The following ARHGEF38 variants were observed in gnomAD, a reference collection of about 807,000 sequenced individuals.
ARHGEF38 encodes the protein Rho guanine nucleotide exchange factor 38.
ARHGEF38 carries 79 observed loss-of-function variants against 79.9 expected under a neutral mutation model. That is an observed-to-expected ratio of 0.99 (90% CI 0.82 to 1.19). ARHGEF38 has a LOEUF of 1.19. ARHGEF38 is among the 50% of genes most tolerant of loss of function. The pLI is 0.00. For missense variants in ARHGEF38, 962 were observed against 907.2 expected, an observed-to-expected ratio of 1.06 and a Z score of -0.78; for synonymous variants, 366 against 328.3, an observed-to-expected ratio of 1.11 and a Z score of -1.24.
intron 2 of ARHGEF38, among the ~76,000 whole-genome samples, chr4:105,594,912 T>G (rs1727510973): frequency 3.3e-5 from 5 of 152,174 alleles, no homozygotes; most frequent in Admixed American, 3.3e-4. Flanking sequence ...GAAAACAGGT[T>G]CTAGTTATTT....
chr4:105,596,892 G>T (rs1727605779), intron 2 of ARHGEF38, among the ~76,000 whole-genome samples: 1 of 152,168 alleles, frequency 6.6e-6, no homozygotes, highest in Non-Finnish European at 1.5e-5. Context: ...AGCACTCCCA[G>T]AAATTATACA....
chr4:105,623,179 A>G (rs1265796298), intron 3 of ARHGEF38, among the ~76,000 whole-genome samples: 2 of 152,228 alleles, frequency 1.3e-5, no homozygotes, highest in Non-Finnish European at 2.9e-5. Context: ...ACCAGCACCC[A>G]GAACAGTGTC....
rs1371956015 is a variant in ARHGEF38 at position 105,654,185 on chromosome 4, C to G, written c.1113+16C>G. The G allele has an allele frequency of 2.2e-6, 3 of 1,386,340 alleles. No homozygotes were observed. Among genetic ancestry groups the G allele is most frequent in the African/African-American group, 1.4e-5 (1 of 70,010 alleles). 85.9% of individuals were successfully genotyped at this position (1,386,340 alleles called of 1,614,324 possible). ...ACACATACAGGTAGGTGAGACACAA[C>G]TGTTTTCAGTGTTCTACAGGAACAT... is the stretch of plus-strand genomic sequence containing the variant. On this transcript the variant is annotated intron_variant, in intron 8 of 13. Transcript: ENST00000420470.
chr4:105,643,935 C>T (rs1578340937), intron 5 of ARHGEF38, among the ~76,000 whole-genome samples: 3 of 141,156 alleles, frequency 2.1e-5, no homozygotes, highest in South Asian at 4.4e-4. Flanking sequence ...TGGAGTGCAG[C>T]GGCTCACTGC....
chr4:105,676,782 TAAAG>T (rs1352150946), intron 13 of ARHGEF38, among the ~76,000 whole-genome samples: 2 of 152,008 alleles, frequency 1.3e-5, no homozygotes, highest in Non-Finnish European at 2.9e-5. Context: ...GTTTGGGAAA[TAAAG>T]AAGGGAACAA....
chr4:105,673,419 T>C (rs1731019184), intron 13 of ARHGEF38, among the ~76,000 whole-genome samples: 1 of 152,138 alleles, frequency 6.6e-6, no homozygotes, highest in Non-Finnish European at 1.5e-5. Context: ...ATATTGAAAA[T>C]ATAATTTTTG....
Position 105,680,345 on chromosome 4 carries a change from G to T in ARHGEF38, c.*2408G>T. The T allele has an allele frequency of 7.6e-6, 2 of 262,280 alleles. No individual in the cohort carries two copies. The highest frequency in any genetic ancestry group is 1.5e-5 in the Non-Finnish European group (2 of 133,906). 16.2% of individuals were successfully genotyped at this position (262,280 alleles called of 1,614,324 possible). On this transcript the variant is annotated 3_prime_UTR_variant, in exon 14 of 14. Transcript: ENST00000420470. ...TAAAAGCTTACTTGTTAGCACACTT[G>T]CTTATCTGTCCATTCATTCATTGAA...
chr4:105,626,650 T>C (rs1459044469), intron 3 of ARHGEF38, among the ~76,000 whole-genome samples: 2 of 152,140 alleles, frequency 1.3e-5, no homozygotes, highest in East Asian at 3.8e-4. Flanking sequence ...AGTTTGTTTA[T>C]CTTCTTCAAT....
intron 2 of ARHGEF38, among the ~76,000 whole-genome samples, chr4:105,591,902 T>C (rs971115713): frequency 2.0e-5 from 3 of 152,218 alleles, no homozygotes; most frequent in African/African-American, 7.2e-5. Flanking sequence ...TTGCTACGTA[T>C]ATAAATGTTT....
At position 105,667,704 on chromosome 4, in the gene ARHGEF38, G is replaced by A; in HGVS notation, c.2148+1G>A. ...CAGTTTTCAAGAAGTAGACGAACAG[G>A]TAAAAATTTGATGTAAAAATATGTG... is the stretch of plus-strand genomic sequence containing the variant. On this transcript the variant is annotated splice_donor_variant, in intron 13 of 13. Coordinates refer to ENST00000420470, the MANE Select transcript of ARHGEF38 (RefSeq NM_001242729.2). LOFTEE classifies it high-confidence loss of function. The A allele has an allele frequency of 2.6e-6, 4 of 1,535,956 alleles. No individual in the cohort carries two copies. Among genetic ancestry groups the A allele is most frequent in the Non-Finnish European group, 8.7e-7 (1 of 1,146,844 alleles).
At chr4:105,663,499 A>G (rs1448366596) in intron 10 of ARHGEF38, among the ~76,000 whole-genome samples, 7 of 151,850 alleles carry the variant, frequency 4.6e-5, no homozygotes, top group African/African-American at 1.7e-4. Context: ...CCATCATTCT[A>G]TTTTCTGTTT....
Position 105,592,724 on chromosome 4 carries a change from T to C in ARHGEF38, c.384+3289T>C, listed in dbSNP as rs546851751. Among the ~76,000 whole-genome samples, 3 of 152,290 alleles carry C rather than the reference T, an allele frequency of 2.0e-5. No individual in the cohort carries two copies. In the East Asian group the frequency reaches 5.8e-4, roughly 29 times the overall value. On this transcript the variant is annotated intron_variant, in intron 2 of 13. Transcript: ENST00000420470. Reference sequence around the variant, plus strand: ...TCTCTCACATTCTTTTCCTCACATGTCAAACACCCCTTTTTCTTCTCTCAG... The same window carrying C: ...TCTCTCACATTCTTTTCCTCACATGCCAAACACCCCTTTTTCTTCTCTCAG...
intron 5 of ARHGEF38, among the ~76,000 whole-genome samples, chr4:105,637,106 C>T (rs1729428243): frequency 6.6e-6 from 1 of 151,470 alleles, no homozygotes; most frequent in African/African-American, 2.4e-5. Context: ...TGATGAGCAA[C>T]TCTTTAAGGT....
At chr4:105,575,895 TTAAA>T (rs1299630536) in intron 1 of ARHGEF38, among the ~76,000 whole-genome samples, 2 of 152,184 alleles carry the variant, frequency 1.3e-5, no homozygotes, top group African/African-American at 4.8e-5. Context: ...GCACCATTTA[TTAAA>T]TAGAGTTTCC....
At chr4:105,614,344 T>C (rs901835890) in intron 3 of ARHGEF38, among the ~76,000 whole-genome samples, 7 of 152,186 alleles carry the variant, frequency 4.6e-5, no homozygotes, top group Non-Finnish European at 1.0e-4. Context: ...TCCTTTCATA[T>C]ATCCCTCCAA....
chr4:105,595,152 A>C (rs1257669342), intron 2 of ARHGEF38, among the ~76,000 whole-genome samples: 1 of 152,158 alleles, frequency 6.6e-6, no homozygotes, highest in Non-Finnish European at 1.5e-5. Context: ...GGGGCTATAG[A>C]ATTCCTCAGC....
chr4:105,634,309 CA>C (rs1729314873), intron 4 of ARHGEF38, among the ~76,000 whole-genome samples: 1 of 152,066 alleles, frequency 6.6e-6, no homozygotes, highest in Non-Finnish European at 1.5e-5. Flanking sequence ...TGGAGACCTT[CA>C]AAAAGAAAAG....
chr4:105,677,309 A>G (rs2110590528), intron 13 of ARHGEF38, among the ~76,000 whole-genome samples: 1 of 152,200 alleles, frequency 6.6e-6, no homozygotes, highest in East Asian at 1.9e-4. Context: ...GAGGGTCTGG[A>G]ATTTAACTAT....
At chr4:105,623,644 G>T (rs557561894) in intron 3 of ARHGEF38, among the ~76,000 whole-genome samples, 1 of 152,184 alleles carries the variant, frequency 6.6e-6, no homozygotes, top group Non-Finnish European at 1.5e-5. Context: ...GGAAGACATC[G>T]TGAGCTATCA....
Sources: allele counts gnomAD v4.1 joint callset (sites outside exome capture counted in the v4.1 genomes callset), GRCh38; gene constraint gnomAD v4.1.1; transcripts MANE v1.5; gene names NCBI Gene and HGNC (gene_info 2026-07-23, HGNC 2026-07-21).